The following XYLT1 variants were observed in gnomAD, a reference collection of about 807,000 sequenced individuals.
XYLT1 encodes xylosyltransferase 1, also known as beta-D-xylosyltransferase 1.
A neutral mutation model predicts 91.3 loss-of-function variants in XYLT1; 36 were observed. That is an observed-to-expected ratio of 0.39 (90% CI 0.30 to 0.52). XYLT1 has a LOEUF of 0.52. XYLT1 is among the 20% of genes least tolerant of loss of function. XYLT1 has a pLI of 0.68. For missense variants in XYLT1, 1,242 were observed against 1,284.5 expected (o/e 0.97, Z 0.51); for synonymous variants, 588 against 532.0 (o/e 1.11, Z -1.45).
Position 17,157,935 on chromosome 16 carries a change from G to T in XYLT1, c.1370+894C>A, listed in dbSNP as rs11643425. Among the ~76,000 whole-genome samples, 1,171 of 152,286 alleles carry T rather than the reference G, an allele frequency of 7.7e-3. 6 individuals carry two copies. The highest frequency in any genetic ancestry group is 0.024 in the Middle Eastern group (7 of 294). ...GGCTAATTTTTGTATTTTTAGTAGA[G>T]ACAGGGTTTTACCATGTTGGTCAGG... On this transcript the variant is annotated intron_variant, in intron 6 of 11. Coordinates refer to ENST00000261381, the MANE Select transcript of XYLT1 (RefSeq NM_022166.4).
At chr16:17,367,564 T>A (rs2141871291) in intron 1 of XYLT1, among the ~76,000 whole-genome samples, 1 of 152,348 alleles carries the variant, frequency 6.6e-6, no homozygotes, top group Non-Finnish European at 1.5e-5. Flanking sequence ...AATGATACTA[T>A]GTGACTTCTG....
intron 1 of XYLT1, among the ~76,000 whole-genome samples, chr16:17,387,460 C>G (rs978366233): frequency 1.6e-4 from 24 of 152,156 alleles, no homozygotes; most frequent in Non-Finnish European, 3.1e-4. Flanking sequence ...GTGAAGCACT[C>G]CCAGCTTTCC....
intron 1 of XYLT1, among the ~76,000 whole-genome samples, chr16:17,463,893 A>G (rs1480384750): frequency 6.6e-6 from 1 of 152,266 alleles, no homozygotes; most frequent in Non-Finnish European, 1.5e-5. Context: ...ACACAGTGGA[A>G]TATTAGCCAG....
chr16:17,239,881 TTCA>T, intron 3 of XYLT1, among the ~76,000 whole-genome samples: 1 of 152,310 alleles, frequency 6.6e-6, no homozygotes, highest in Non-Finnish European at 1.5e-5. Context: ...CATCCATGTT[TTCA>T]TCCACTCAAC....
chr16:17,347,165 A>G (rs1213148630), intron 2 of XYLT1, among the ~76,000 whole-genome samples: 2 of 152,174 alleles, frequency 1.3e-5, no homozygotes, highest in South Asian at 2.1e-4. Context: ...ATACTAGGAC[A>G]GTTAACATTT....
chr16:17,179,638 C>T (rs1384937383), intron 5 of XYLT1, among the ~76,000 whole-genome samples: 2 of 152,206 alleles, frequency 1.3e-5, no homozygotes, highest in Non-Finnish European at 2.9e-5. Context: ...ATATTCCCAA[C>T]CCCCAGCAAA....
At chr16:17,250,676 C>T (rs2033524233) in intron 3 of XYLT1, 1 of 152,210 alleles carries the variant, frequency 6.6e-6, no homozygotes, top group Admixed American at 6.5e-5. Flanking sequence ...CCAAGGAAGA[C>T]CTTTGGGACT....
chr16:17,194,764 C>T (rs1042691140), intron 5 of XYLT1, among the ~76,000 whole-genome samples: 4 of 152,226 alleles, frequency 2.6e-5, no homozygotes, highest in African/African-American at 9.6e-5. Flanking sequence ...TTCTAATCCC[C>T]ACTCTGCCAT....
At chr16:17,116,978 G>T (rs1351579619) in intron 11 of XYLT1, among the ~76,000 whole-genome samples, 2 of 152,020 alleles carry the variant, frequency 1.3e-5, no homozygotes, top group East Asian at 1.9e-4. Flanking sequence ...AGGGTTGGTG[G>T]TCTTTTTTTT....
At chr16:17,379,494 G>T (rs2035643880) in intron 1 of XYLT1, among the ~76,000 whole-genome samples, 1 of 152,108 alleles carries the variant, frequency 6.6e-6, no homozygotes, top group South Asian at 2.1e-4. Context: ...TGGGAACCTG[G>T]CCCCCGGAGG....
chr16:17,391,452 T>G (rs148576308), intron 1 of XYLT1, among the ~76,000 whole-genome samples: 1 of 152,180 alleles, frequency 6.6e-6, no homozygotes, highest in Non-Finnish European at 1.5e-5. Flanking sequence ...ATCATAAAAC[T>G]CCAGTCTCCC....
intron 2 of XYLT1, among the ~76,000 whole-genome samples, chr16:17,337,573 C>G (rs963732141): frequency 6.6e-6 from 1 of 152,108 alleles, no homozygotes; most frequent in Non-Finnish European, 1.5e-5. Context: ...TCCAGGGAAG[C>G]CTACCTTGGT....
At chr16:17,379,751 T>TCCCACACACACA (rs1460172438) in intron 1 of XYLT1, among the ~76,000 whole-genome samples, 1 of 124,446 alleles carries the variant, frequency 8.0e-6, no homozygotes, top group African/African-American at 3.2e-5. Context: ...TCTCTCTCTC[T>TCCCACACACACA]CTCTCTCTCT....
intron 2 of XYLT1, among the ~76,000 whole-genome samples, chr16:17,267,011 C>A (rs1446771713): frequency 6.6e-6 from 1 of 152,220 alleles, no homozygotes; most frequent in Non-Finnish European, 1.5e-5. Flanking sequence ...AACCCGTGGA[C>A]CACGCTGGAC....
At chr16:17,141,662 A>G (rs1266341388) in intron 6 of XYLT1, among the ~76,000 whole-genome samples, 1 of 152,190 alleles carries the variant, frequency 6.6e-6, no homozygotes, top group Non-Finnish European at 1.5e-5. Context: ...GATGACAGTG[A>G]TCATCTGCTA....
intron 2 of XYLT1, among the ~76,000 whole-genome samples, chr16:17,347,742 C>A (rs9934298): frequency 0.11 from 16,361 of 152,238 alleles, 908 homozygotes; most frequent in African/African-American, 0.14. Flanking sequence ...GAGGCGGGGG[C>A]CCGGTCAGGG....
chr16:17,326,237 G>GGAGAT (rs2034799346), intron 2 of XYLT1, among the ~76,000 whole-genome samples: 1 of 152,078 alleles, frequency 6.6e-6, no homozygotes, highest in Non-Finnish European at 1.5e-5. Context: ...CAGGTGCTAT[G>GGAGAT]CTGTCCAGCA....
In XYLT1 at chr16:17,446,669, G is replaced by C. The variant is rs192311358; in HGVS notation, c.363+23765C>G. Among the ~76,000 whole-genome samples the C allele has an allele frequency of 1.2e-3, 189 of 152,250 alleles. 1 individual carries two copies. Among genetic ancestry groups the C allele is most frequent in the African/African-American group, 4.3e-3 (177 of 41,546 alleles). Reference sequence around the variant, plus strand: ...CCTCGATTCTGCAGGTGATCAGGCTGGAAGGAGGTAGGCGAAGACCCCATC... The same window carrying C: ...CCTCGATTCTGCAGGTGATCAGGCTCGAAGGAGGTAGGCGAAGACCCCATC... On this transcript the variant is annotated intron_variant, in intron 1 of 11. Coordinates refer to ENST00000261381, the MANE Select transcript of XYLT1 (RefSeq NM_022166.4).
chr16:17,121,001 C>T (rs1425429457), intron 10 of XYLT1, among the ~76,000 whole-genome samples: 1 of 152,216 alleles, frequency 6.6e-6, no homozygotes, highest in Non-Finnish European at 1.5e-5. Flanking sequence ...ATCCACCCAT[C>T]TGTCTGTCTG....
Sources: gnomAD v4.1 joint callset for allele counts (sites outside exome capture counted in the v4.1 genomes callset) on GRCh38, gnomAD v4.1.1 for gene constraint, MANE v1.5 for transcripts, NCBI Gene and HGNC (gene_info 2026-07-23, HGNC 2026-07-21) for gene names.